Variants in SFTPD observed in about 807,000 individuals in gnomAD.
The protein encoded by SFTPD is surfactant protein D.
Under a neutral mutation model 34.6 loss-of-function variants are expected in SFTPD, and 18 were observed. That is an observed-to-expected ratio of 0.52 (90% confidence interval 0.36 to 0.77). SFTPD has a LOEUF of 0.77. SFTPD is among the 30% of genes least tolerant of loss of function. SFTPD has a pLI of 0.00. For synonymous variants in SFTPD, 155 were observed against 180.9 expected (o/e 0.86, Z 1.15); for missense variants, 433 against 468.9 (o/e 0.92, Z 0.71).
intron 5 of SFTPD, 96 bp downstream of exon 5, chr10:79,941,858 G>T: frequency 1.2e-6 from 1 of 805,004 alleles, no homozygotes; most frequent in Non-Finnish European, 2.1e-6. Flanking sequence ...TACCACCTCT[G>T]CCTTTGTGGG....
At position 79,940,710 on chromosome 10, in the gene SFTPD, T is replaced by C. The variant is rs1221350270; in HGVS notation, c.746A>G (p.Lys249Arg). The stretch of plus-strand genomic sequence containing the variant: ...GTTCAGATCCAGGAACTCACCTTTC[T>C]TATACTGAGAGAAAGCAGCCTGGAG... ...QHLQAAFSQY[K>R]KVELFPNGQS... The change falls in exon 7 of 8, where the codon AAG becomes AGG. Residue 249 changes from lysine (K) to arginine (R), a missense_variant. Coordinates refer to ENST00000372292, the MANE Select transcript of SFTPD (RefSeq NM_003019.5). 6.2e-7 allele frequency: 1 copy of C among 1,602,340 alleles called. No homozygotes were observed. Among genetic ancestry groups the C allele is most frequent in the Non-Finnish European group, 8.5e-7 (1 of 1,169,944 alleles).
chr10:79,941,934 C>G lies in SFTPD; in HGVS notation c.550+20G>C. 6.6e-7 allele frequency: 1 copy of G among 1,526,548 alleles called. No individual in the cohort carries two copies. Among genetic ancestry groups the G allele is most frequent in the East Asian group, 2.3e-5 (1 of 44,412 alleles). The allele number at this position is 1,526,548 out of a possible 1,614,324, so 94.6% of individuals were successfully genotyped here. A position where few individuals can be genotyped will look rare whatever the true frequency, so the allele number is the denominator to read the frequency against. ...CAGGAGAACTGGACCCAGCCCAGCC[C>G]AGCTCTTTCCACTGCTCACCTGCTG... On this transcript the variant is annotated intron_variant, in intron 5 of 7. Coordinates refer to ENST00000372292, the MANE Select transcript of SFTPD (RefSeq NM_003019.5).
upstream of SFTPD, among the ~76,000 whole-genome samples, chr10:79,953,119 A>G (rs1280850888): frequency 1.3e-5 from 2 of 152,194 alleles, no homozygotes; most frequent in Non-Finnish European, 2.9e-5. Flanking sequence ...TTCAACTGCA[A>G]TTTTGGTTCT....
In SFTPD at chr10:79,939,822, C is replaced by T. The variant is rs180882639; in HGVS notation, c.751+883G>A. The stretch of plus-strand genomic sequence containing the variant: ...TTTTATTTTTTGGCTCAATGAGATG[C>T]GCCTGAACTCAAAGCTGATATCAGG... On this transcript the variant is annotated intron_variant, in intron 7 of 7. Transcript: ENST00000372292. Among the ~76,000 whole-genome samples, 16 of 152,264 alleles carry T rather than the reference C, an allele frequency of 1.1e-4. No individual in the cohort carries two copies. The East Asian group carries it at 1.5e-3, about 15-fold the overall frequency.
In SFTPD at chr10:79,937,817, C is replaced by G. The variant is rs764840441; in HGVS notation, c.*35G>C. 2 of 1,512,312 alleles carry G rather than the reference C, an allele frequency of 1.3e-6. No homozygotes were observed. Among genetic ancestry groups the G allele is most frequent in the African/African-American group, 2.8e-5 (2 of 71,774 alleles). 93.7% of individuals were successfully genotyped at this position (1,512,312 alleles called of 1,614,324 possible). A position where few individuals can be genotyped will look rare whatever the true frequency, so the allele number is the denominator to read the frequency against. ...TAAGCCTTGACTTCTGGCCAAACTC[C>G]TGGGCCAAGCACTGCCCCACCCACC... On this transcript the variant is annotated 3_prime_UTR_variant, in exon 8 of 8. Coordinates refer to ENST00000372292, the MANE Select transcript of SFTPD (RefSeq NM_003019.5).
chr10:79,962,067 T>A (rs1842776501), intron 1 of SFTPD, among the ~76,000 whole-genome samples: 1 of 143,348 alleles, frequency 7.0e-6, no homozygotes, highest in Non-Finnish European at 1.5e-5. Flanking sequence ...ACACCACATG[T>A]TCTCACTCAT....
At chr10:79,941,063 TG>T (rs1176725270) in intron 6 of SFTPD, among the ~76,000 whole-genome samples, 1 of 34,682 alleles carries the variant, frequency 2.9e-5, no homozygotes, top group Non-Finnish European at 6.2e-5. Context: ...ATTGGGTGGG[TG>T]GGGGGGTTGC....
intron 4 of SFTPD, 40 bp from the exon 5 acceptor site, chr10:79,942,110 G>T: frequency 7.0e-7 from 1 of 1,427,990 alleles, no homozygotes. Flanking sequence ...AGCTAAGAGC[G>T]CGTTCAGCAG....
At position 79,970,928 on chromosome 10, in the gene SFTPD, A is replaced by C. The variant is rs1401132793; in HGVS notation, c.36+11647T>G. The C allele has an allele frequency of 2.0e-5, 3 of 152,292 alleles. No homozygotes were observed. In the East Asian group the frequency reaches 5.8e-4, roughly 29 times the overall value. The allele number at this position is 152,292 out of a possible 1,614,324, so 9.4% of individuals were successfully genotyped here. The stretch of plus-strand genomic sequence containing the variant: ...TTGAATTAAAGTGGTGAGAGTGGGC[A>C]TCCTTGTCTTGTTCTAGTTTCTAGA... On this transcript the variant is annotated intron_variant, in intron 1 of 5. Coordinates refer to the SFTPD transcript ENST00000444384.
rs149921058 is a variant in SFTPD, at chr10:79,941,630, G to A, written c.551-116C>T. On this transcript the variant is annotated intron_variant, in intron 5 of 7. Coordinates refer to ENST00000372292, the MANE Select transcript of SFTPD (RefSeq NM_003019.5). ...CCTTATTGCCCAGAAATAGACAGAT[G>A]GTCCCCAGTACCCAGCCATGCAGCT... 70 of 776,754 alleles carry A rather than the reference G, an allele frequency of 9.0e-5. No individual in the cohort carries two copies. In the African/African-American group the frequency reaches 1.1e-3, roughly 12 times the overall value. The allele number at this position is 776,754 out of a possible 1,614,324, so 48.1% of individuals were successfully genotyped here. A position where few individuals can be genotyped will look rare whatever the true frequency, so the allele number is the denominator to read the frequency against.
intron 1 of SFTPD, among the ~76,000 whole-genome samples, chr10:79,960,787 A>T (rs1422033979): frequency 6.6e-6 from 1 of 151,982 alleles, no homozygotes; most frequent in Non-Finnish European, 1.5e-5. Flanking sequence ...CAGAATTGGA[A>T]AAAACTACTT....
At chr10:79,950,597 TG>T (rs1177199811), upstream of SFTPD, 2 of 152,244 alleles carry the variant, frequency 1.3e-5, no homozygotes, top group Admixed American at 1.3e-4. Flanking sequence ...ATTTCTCTCT[TG>T]CTGCTTTTAG....
chr10:79,959,575 C>T (rs375314921), intron 1 of SFTPD, among the ~76,000 whole-genome samples: 2 of 152,154 alleles, frequency 1.3e-5, no homozygotes, highest in Admixed American at 1.3e-4. Flanking sequence ...AACACATACA[C>T]CCTCCCAAGA....
At chr10:79,947,296 A>G (rs925717864) in intron 1 of SFTPD, among the ~76,000 whole-genome samples, 3 of 152,228 alleles carry the variant, frequency 2.0e-5, no homozygotes, top group South Asian at 2.1e-4. Context: ...GAAAAGTCCC[A>G]GAGGGAACCC....
chr10:79,978,420 C>T (rs765524450), intron 1 of SFTPD, among the ~76,000 whole-genome samples: 48 of 152,068 alleles, frequency 3.2e-4, no homozygotes, highest in African/African-American at 9.6e-4. Context: ...GGGAGGCCAA[C>T]GTGGGTGGAT....
chr10:79,958,087 G>C (rs997410883), intron 1 of SFTPD, among the ~76,000 whole-genome samples: 3 of 152,176 alleles, frequency 2.0e-5, no homozygotes, highest in Admixed American at 6.5e-5. Flanking sequence ...ATACTTTACA[G>C]ACAAGCAAAT....
At chr10:79,972,513 G>GACACACACACACACAGAC (rs1554818613) in intron 1 of SFTPD, 8 of 148,916 alleles carry the variant, frequency 5.4e-5, no homozygotes, top group African/African-American at 1.7e-4. Flanking sequence ...CACACACACA[G>GACACACACACACACAGAC]ACACACACAC....
At chr10:79,956,529 A>G (rs552657791) in intron 1 of SFTPD, among the ~76,000 whole-genome samples, 10 of 152,270 alleles carry the variant, frequency 6.6e-5, no homozygotes, top group Non-Finnish European at 1.3e-4. Context: ...GGAGGGGCCT[A>G]CGCCCACGGA....
intron 1 of SFTPD, among the ~76,000 whole-genome samples, chr10:79,957,523 T>A (rs1218234136): frequency 6.6e-6 from 1 of 152,182 alleles, no homozygotes; most frequent in African/African-American, 2.4e-5. Context: ...CAGGAGCTGA[T>A]GCGATCAACT....
Sources: allele counts gnomAD v4.1 joint callset (sites outside exome capture counted in the v4.1 genomes callset), GRCh38; gene constraint gnomAD v4.1.1; transcripts MANE v1.5; gene names NCBI Gene and HGNC (gene_info 2026-07-23, HGNC 2026-07-21).